Variants in TENM2 observed in about 807,000 individuals in gnomAD.
TENM2 encodes teneurin transmembrane protein 2, also known as teneurin-2.
In TENM2, 52 loss-of-function variants were observed where a neutral mutation model predicts 245.2. That is an observed-to-expected ratio of 0.21 (90% CI 0.17 to 0.27). The LOEUF (loss-of-function observed/expected upper bound fraction) is 0.27, where lower values mean the gene tolerates loss of function less well. TENM2 is among the 10% of genes least tolerant of loss of function. The pLI is 1.00. For missense variants in TENM2, 3,046 were observed against 3,666.8 expected (o/e 0.83, Z 4.37); for synonymous variants, 1,363 against 1,438.9 (o/e 0.95, Z 1.19).
chr5:168,050,303 A>G (rs906041559), intron 6 of TENM2, among the ~76,000 whole-genome samples: 1 of 152,122 alleles, frequency 6.6e-6, no homozygotes, highest in Non-Finnish European at 1.5e-5. Flanking sequence ...ACCCATGCCT[A>G]TTTCTTTTAT....
intron 2 of TENM2, among the ~76,000 whole-genome samples, chr5:167,403,317 G>GT (rs1412964022): frequency 2.2e-5 from 2 of 92,764 alleles, no homozygotes; most frequent in East Asian, 2.9e-4. Context: ...ATTTTTGGTA[G>GT]TAAAAAAAAA....
chr5:167,916,833 C>T (rs1457274224), intron 3 of TENM2, among the ~76,000 whole-genome samples: 1 of 152,230 alleles, frequency 6.6e-6, no homozygotes, highest in African/African-American at 2.4e-5. Flanking sequence ...TTGGGGTAAG[C>T]AAAACCATCA....
At chr5:167,281,761 G>T (rs1183175670), upstream of TENM2, among the ~76,000 whole-genome samples, 1 of 152,148 alleles carries the variant, frequency 6.6e-6, no homozygotes, top group African/African-American at 2.4e-5. Flanking sequence ...CACTTTGGGA[G>T]GCCGAGGCGA....
intron 4 of TENM2, among the ~76,000 whole-genome samples, chr5:167,962,498 T>C (rs1243782184): frequency 1.3e-5 from 2 of 152,210 alleles, no homozygotes; most frequent in Non-Finnish European, 2.9e-5. Flanking sequence ...TCATAGTCCA[T>C]AGAACTGATG....
rs76436019 is a variant in TENM2, at chr5:167,368,410, G to A, written c.227-6788G>A. 4.6e-3 allele frequency among the ~76,000 whole-genome samples: 699 copies of A among 152,122 alleles called. 7 individuals carry two copies. Among genetic ancestry groups the A allele is most frequent in the African/African-American group, 0.016 (675 of 41,502 alleles). ...CCTTTAGGCTTGCATTTTGCAGCAG[G>A]ATCATAGAGGGTCATTTTTTTTCCA... On this transcript the variant is annotated intron_variant, in intron 1 of 28. Coordinates refer to ENST00000518659, the Ensembl canonical transcript of TENM2.
chr5:167,288,174 T>C (rs1343684172), intron 1 of TENM2, among the ~76,000 whole-genome samples: 1 of 152,220 alleles, frequency 6.6e-6, no homozygotes, highest in Non-Finnish European at 1.5e-5. Flanking sequence ...TGTATGTGCC[T>C]GGGACTCTGC....
chr5:168,032,863 T>A (rs2151960532), intron 5 of TENM2, among the ~76,000 whole-genome samples: 1 of 152,196 alleles, frequency 6.6e-6, no homozygotes, highest in East Asian at 1.9e-4. Context: ...AGAGGTTAGG[T>A]GTAACTGAGC....
At chr5:168,245,545 T>C (rs548677376) in intron 26 of TENM2, among the ~76,000 whole-genome samples, 1 of 149,198 alleles carries the variant, frequency 6.7e-6, no homozygotes, top group African/African-American at 2.5e-5. Context: ...GTCTTCATGC[T>C]TGAAAAAGGT....
chr5:167,893,153 A>T (rs1774898990), intron 3 of TENM2, among the ~76,000 whole-genome samples: 2 of 152,178 alleles, frequency 1.3e-5, no homozygotes, highest in Non-Finnish European at 1.5e-5. Flanking sequence ...CTGCTCAGAA[A>T]TTCCTGTCTG....
chr5:168,106,224 C>T (rs1716925910), intron 9 of TENM2, among the ~76,000 whole-genome samples: 1 of 152,168 alleles, frequency 6.6e-6, no homozygotes, highest in South Asian at 2.1e-4. Flanking sequence ...TCAGCTCCTA[C>T]CCAGCTTCTG....
At chr5:167,147,077 CT>C in the TENM2 span, among the ~76,000 whole-genome samples, 1 of 152,098 alleles carries the variant, frequency 6.6e-6, no homozygotes, top group Non-Finnish European at 1.5e-5. Context: ...ACAGACACAC[CT>C]TTTTCCTAAA....
chr5:167,067,388 A>G, the TENM2 span, among the ~76,000 whole-genome samples: 1 of 152,036 alleles, frequency 6.6e-6, no homozygotes, highest in Non-Finnish European at 1.5e-5. Context: ...TTGTGTTTTG[A>G]TTGACTTGGT....
At chr5:168,090,821 TC>T in intron 8 of TENM2, 52 bp downstream of exon 10, 1 of 1,476,162 alleles carries the variant, frequency 6.8e-7, no homozygotes, top group Non-Finnish European at 9.4e-7. Flanking sequence ...ATGGAAATGT[TC>T]TGGGCTTCTC....
At chr5:167,837,721 G>A (rs55698578) in intron 2 of TENM2, among the ~76,000 whole-genome samples, 36,436 of 151,708 alleles carry the variant, frequency 0.24, 5,487 homozygotes, top group East Asian at 0.68. Flanking sequence ...TCTGACTCAA[G>A]ACTACCAAGT....
At chr5:168,036,777 GTA>G (rs1345219384) in intron 5 of TENM2, among the ~76,000 whole-genome samples, 2 of 147,938 alleles carry the variant, frequency 1.4e-5, no homozygotes, top group Non-Finnish European at 1.5e-5. Flanking sequence ...ATACGTATGT[GTA>G]TATATATATA....
the TENM2 span, among the ~76,000 whole-genome samples, chr5:167,122,394 A>G: frequency 6.6e-6 from 1 of 152,058 alleles, no homozygotes; most frequent in Non-Finnish European, 1.5e-5. Context: ...TGATATTTGC[A>G]TATATTCCAT....
intron 2 of TENM2, among the ~76,000 whole-genome samples, chr5:167,421,434 C>T (rs959616292): frequency 3.9e-5 from 6 of 152,260 alleles, no homozygotes; most frequent in Admixed American, 2.0e-4. Flanking sequence ...AGAGATCAGA[C>T]CAGCCTCGGC....
intron 2 of TENM2, among the ~76,000 whole-genome samples, chr5:167,572,408 T>C (rs1007272120): frequency 2.0e-5 from 3 of 152,208 alleles, no homozygotes; most frequent in African/African-American, 7.2e-5. Context: ...TTTTTATGTT[T>C]CTAAAATGAT....
chr5:168,257,383 A>G (rs1767764040), intron 27 of TENM2, among the ~76,000 whole-genome samples: 1 of 152,136 alleles, frequency 6.6e-6, no homozygotes, highest in Non-Finnish European at 1.5e-5. Flanking sequence ...TTTAGGGAAA[A>G]GCCCGCTGGG....
Sources: allele counts gnomAD v4.1 joint callset (sites outside exome capture counted in the v4.1 genomes callset), GRCh38; gene constraint gnomAD v4.1.1; transcripts MANE v1.5; gene names NCBI Gene and HGNC (gene_info 2026-07-23, HGNC 2026-07-21).